The following ISM2 variants were observed in gnomAD, a reference collection of about 807,000 sequenced individuals.
ISM2 encodes isthmin 2, also known as isthmin-2.
ISM2 carries 50 observed loss-of-function variants against 58.0 expected under a neutral mutation model. The observed-to-expected ratio is 0.86, with a 90% CI of 0.69 to 1.09. The LOEUF (loss-of-function observed/expected upper bound fraction) is 1.09, where lower values mean the gene tolerates loss of function less well. Ranked by LOEUF, ISM2 falls within the 50% of genes least tolerant of loss-of-function variation. The pLI is 0.00. For missense variants in ISM2, 723 were observed against 745.0 expected (o/e 0.97, Z 0.34); for synonymous variants, 303 against 312.4 (o/e 0.97, Z 0.32).
At chr14:77,481,001 T>G (rs2079128799) in intron 4 of ISM2, among the ~76,000 whole-genome samples, 1 of 152,144 alleles carries the variant, frequency 6.6e-6, no homozygotes, top group Non-Finnish European at 1.5e-5. Flanking sequence ...GCATAAAACA[T>G]GTCTGCACCC....
chr14:77,482,919 T>C (rs1450103195), intron 3 of ISM2: 1 of 363,502 alleles, frequency 2.8e-6, no homozygotes, highest in African/African-American at 2.2e-5. Flanking sequence ...TGGACTGAAC[T>C]GGTCTGGGCT....
At chr14:77,487,577 C>A (rs1392644312) in intron 1 of ISM2, among the ~76,000 whole-genome samples, 1 of 152,204 alleles carries the variant, frequency 6.6e-6, no homozygotes, top group African/African-American at 2.4e-5. Flanking sequence ...CCACACGTGC[C>A]GCCTTTCCTC....
chr14:77,479,670 C>T (rs2139956615), intron 4 of ISM2, among the ~76,000 whole-genome samples: 1 of 152,270 alleles, frequency 6.6e-6, no homozygotes, highest in East Asian at 1.9e-4. Flanking sequence ...GCGTGAGCCA[C>T]TGCATGGCTA....
At chr14:77,486,813 G>A (rs970254014) in intron 1 of ISM2, among the ~76,000 whole-genome samples, 16 of 151,416 alleles carry the variant, frequency 1.1e-4, no homozygotes, top group African/African-American at 3.6e-4. Flanking sequence ...AGAAATTTGT[G>A]ATTGTCACAG....
rs1162687683 is a variant in ISM2 at position 77,482,655 on chromosome 14, C to T, written c.640G>A (p.Val214Met). ...ACCTCGGCCTGGGGGTCCTCCACCA[C>T]CTTGATGGTCACCTGCAGGAGACAG... Reference protein sequence around the residue: ...PNPDNQVTIKVVEDPQAEVSI... With the variant: ...PNPDNQVTIKMVEDPQAEVSI... The change falls in exon 4 of 7, where the codon GTG becomes ATG. Residue 214 changes from valine (V) to methionine (M), a missense_variant. Coordinates refer to ENST00000342219, the MANE Select transcript of ISM2 (RefSeq NM_199296.3). The T allele has an allele frequency of 4.5e-6, 7 of 1,546,310 alleles. No individual in the cohort carries two copies. In the African/African-American group the frequency reaches 5.5e-5, roughly 12 times the overall value.
Position 77,482,564 on chromosome 14 carries a change from G to T in ISM2, c.731C>A (p.Ala244Asp). Residue 244 changes from alanine to aspartate, a missense_variant, in exon 4 of 7, where the codon GCC becomes GAC. Ala to Asp is a moderately radical substitution (Grantham distance 126). Coordinates refer to ENST00000342219, the MANE Select transcript of ISM2 (RefSeq NM_199296.3). ...PPQDTLSWLPALWSFLWGDYK... is the reference protein window; with the variant it reads ...PPQDTLSWLPDLWSFLWGDYK... The stretch of plus-strand genomic sequence containing the variant: ...GTCTCCCCAGAGGAAGGACCAGAGG[G>T]CGGGCAGCCAGCTAAGGGTATCCTG... 2 of 1,613,982 alleles carry T rather than the reference G, an allele frequency of 1.2e-6. No individual in the cohort carries two copies.
intron 1 of ISM2, among the ~76,000 whole-genome samples, chr14:77,493,163 T>G (rs2079217040): frequency 6.6e-6 from 1 of 152,110 alleles, no homozygotes; most frequent in Non-Finnish European, 1.5e-5. Context: ...GCTTGGCTAA[T>G]TTTTGTATTT....
chr14:77,476,380 G>T (rs1227966366), intron 6 of ISM2, among the ~76,000 whole-genome samples: 2 of 152,268 alleles, frequency 1.3e-5, no homozygotes, highest in Non-Finnish European at 2.9e-5. Flanking sequence ...TATGTCACAT[G>T]CTGAATGGTG....
intron 1 of ISM2, among the ~76,000 whole-genome samples, chr14:77,494,535 C>A (rs2079227119): frequency 6.6e-6 from 1 of 151,822 alleles, no homozygotes; most frequent in African/African-American, 2.4e-5. Context: ...AAGCTGGGAC[C>A]ACAGGTGCCC....
chr14:77,483,534 C>A (rs1466107961), intron 3 of ISM2, among the ~76,000 whole-genome samples: 1 of 144,006 alleles, frequency 6.9e-6, no homozygotes, highest in Non-Finnish European at 1.5e-5. Context: ...TGCAACAGAG[C>A]GAGACTCCAT....
intron 3 of ISM2, chr14:77,483,955 A>G (rs1244730905): frequency 5.5e-6 from 1 of 180,628 alleles, no homozygotes; most frequent in Non-Finnish European, 1.2e-5. Flanking sequence ...TCTTTAGGGG[A>G]TCAGACCTGC....
intron 6 of ISM2, among the ~76,000 whole-genome samples, chr14:77,476,579 T>C (rs1026361849): frequency 3.3e-5 from 5 of 152,192 alleles, no homozygotes; most frequent in African/African-American, 1.2e-4. Context: ...GGGTGAGTCA[T>C]TTGGCCACTT....
chr14:77,484,166 C>CT (rs2079150958), intron 3 of ISM2, 157 bp downstream of exon 3: 1 of 952,314 alleles, frequency 1.1e-6, no homozygotes, highest in Non-Finnish European at 1.6e-6. Context: ...CCTCTGCCCC[C>CT]TACACCACAG....
Position 77,475,967 on chromosome 14 carries a change from G to A in ISM2, c.1344C>T (p.His448=), listed in dbSNP as rs1248947972. The change falls in exon 7 of 7, where the codon CAC becomes CAT. Residue 448 remains histidine (H), a synonymous_variant. Coordinates refer to ENST00000342219, the MANE Select transcript of ISM2 (RefSeq NM_199296.3). This position sits in a 1 kb window ranked among gnomAD's most constrained non-coding sequence, Gnocchi z 4.1. Reference sequence around the variant, plus strand: ...CCCTCCACCGGAAGCTGCGGCCCTGGTGCTCGTCCTGTAGGCTCACAGGGC... The same window carrying A: ...CCCTCCACCGGAAGCTGCGGCCCTGATGCTCGTCCTGTAGGCTCACAGGGC... The part of the protein sequence containing the change: ...MDSPVSLQDE[H]QGRSFRWRDA... The A allele has an allele frequency of 6.3e-7, 1 of 1,597,174 alleles. No homozygotes were observed. The highest frequency in any genetic ancestry group is 8.5e-7 in the Non-Finnish European group (1 of 1,178,450).
rs2079156190 is a variant in ISM2 at position 77,484,715 on chromosome 14, C to A, written c.346G>T (p.Ala116Ser). 1.2e-6 allele frequency: 2 copies of A among 1,611,748 alleles called. No individual in the cohort carries two copies. The highest frequency in any genetic ancestry group is 1.7e-6 in the Non-Finnish European group (2 of 1,179,612). The change falls in exon 2 of 7, where the codon GCC becomes TCC. Residue 116 changes from alanine to serine, a missense_variant. Physicochemically the swap from Ala to Ser is moderately conservative, Grantham distance 99 (BLOSUM62 1). Coordinates refer to ENST00000342219, the MANE Select transcript of ISM2 (RefSeq NM_199296.3). The stretch of plus-strand genomic sequence containing the variant: ...TTAGGGGTACTCAAGGTTGTGTTGG[C>A]CAATCCCGGCAGCTTCTGCAGCTCC... ...RLELQKLPGL[A>S]NTTLSTPNPD...
At chr14:77,498,419 G>T in intron 1 of ISM2, 1 of 1,250,680 alleles carries the variant, frequency 8.0e-7, no homozygotes, top group Non-Finnish European at 1.1e-6. Context: ...TTGTCACCCG[G>T]CTGGTCCGCG....
At position 77,474,541 on chromosome 14, in the gene ISM2, G is replaced by A. The variant is rs928313921; in HGVS notation, c.*1054C>T. ...ATATTTCAACCCCATAGAAGGCAAG[G>A]AAGTGCAGCCAGGGGAATGGGGAGG... On this transcript the variant is annotated 3_prime_UTR_variant, in exon 7 of 7. Transcript: ENST00000342219. 1 of 152,356 alleles carries A rather than the reference G, an allele frequency of 6.6e-6. No homozygotes were observed. The highest frequency in any genetic ancestry group is 1.5e-5 in the Non-Finnish European group (1 of 68,120). 9.4% of individuals were successfully genotyped at this position (152,356 alleles called of 1,614,324 possible). A position where few individuals can be genotyped will look rare whatever the true frequency, so the allele number is the denominator to read the frequency against.
At chr14:77,478,533 C>T (rs935471290) in intron 5 of ISM2, 42 bp downstream of exon 5, 2 of 1,594,658 alleles carry the variant, frequency 1.3e-6, no homozygotes, top group Admixed American at 1.7e-5. Context: ...CCAGCCTAAG[C>T]CGCACCAGCC....
At chr14:77,498,628 G>C in intron 1 of ISM2, 25 bp downstream of exon 1, 1 of 1,428,406 alleles carries the variant, frequency 7.0e-7, no homozygotes, top group African/African-American at 1.5e-5. Context: ...AGCGCGCTCC[G>C]CAGCCCGGTG....
Sources: allele counts gnomAD v4.1 joint callset (sites outside exome capture counted in the v4.1 genomes callset), GRCh38; gene constraint gnomAD v4.1.1; non-coding constraint Gnocchi (gnomAD v3.1); transcripts MANE v1.5; gene names NCBI Gene and HGNC (gene_info 2026-07-23, HGNC 2026-07-21).